The following TPM1 variants were observed in gnomAD, a reference collection of about 807,000 sequenced individuals.
The protein encoded by TPM1 is tropomyosin alpha-1 chain.
A neutral mutation model predicts 42.9 loss-of-function variants in TPM1; 24 were observed. That is an observed-to-expected ratio of 0.56 (90% CI 0.41 to 0.79). The LOEUF is 0.79. Ranked by LOEUF, TPM1 falls within the 30% of genes least tolerant of loss-of-function variation. The probability of loss-of-function intolerance (pLI) is 0.00; values close to 1 mark genes in which losing one functional copy is unlikely to be tolerated. For synonymous variants in TPM1, 136 were observed against 130.1 expected (o/e 1.05, Z -0.31); for missense variants, 158 against 351.8 (o/e 0.45, Z 4.41).
Position 63,061,015 on chromosome 15 carries a change from G to A in TPM1, c.563+76G>A, listed in dbSNP as rs937526753. 9 of 1,569,922 alleles carry A rather than the reference G, an allele frequency of 5.7e-6. No homozygotes were observed. The African/African-American group carries it at 9.5e-5, about 16-fold the overall frequency. Reference sequence around the variant, plus strand: ...GACTAAACAGCATGACCTTCTGGCAGCTGCACATTACCTGTTTCAGCTCCG... The same window carrying A: ...GACTAAACAGCATGACCTTCTGGCAACTGCACATTACCTGTTTCAGCTCCG... On this transcript the variant is annotated intron_variant, in intron 5 of 9. Transcript: ENST00000403994.
intron 1 of TPM1, 56 bp downstream of exon 1, chr15:63,042,999 C>T: frequency 6.8e-7 from 1 of 1,472,024 alleles, no homozygotes; most frequent in East Asian, 2.5e-5. Flanking sequence ...TCGAGCCTGG[C>T]ACCCCCGGCT....
chr15:63,065,546 C>G (rs2036182292), intron 9 of TPM1: 1 of 984,964 alleles, frequency 1.0e-6, no homozygotes, highest in Admixed American at 6.1e-5. Context: ...AGCAGATCAT[C>G]TGTCTCTAAG....
chr15:63,064,657 T>G, intron 9 of TPM1: 5 of 998,242 alleles, frequency 5.0e-6, no homozygotes, highest in Non-Finnish European at 6.0e-6. Context: ...AAAGATCATC[T>G]CTTTTACTTT....
intron 2 of TPM1, among the ~76,000 whole-genome samples, chr15:63,050,556 C>T (rs1242085674): frequency 6.6e-6 from 1 of 152,230 alleles, no homozygotes; most frequent in Non-Finnish European, 1.5e-5. Context: ...TAACAGAACT[C>T]TTCCTGTGCC....
intron 2 of TPM1, chr15:63,056,700 G>A (rs1157556294): frequency 7.3e-6 from 3 of 409,668 alleles, no homozygotes; most frequent in South Asian, 2.2e-5. Flanking sequence ...AAAAATCTAC[G>A]GAAGAAAGGA....
intron 2 of TPM1, chr15:63,045,057 C>T (rs1362739938): frequency 3.9e-5 from 6 of 152,050 alleles, no homozygotes; most frequent in Admixed American, 6.6e-5. Context: ...GCTAATTAAG[C>T]CTAGAGGCCC....
chr15:63,052,001 G>A (rs1258797707), intron 2 of TPM1, among the ~76,000 whole-genome samples: 2 of 151,188 alleles, frequency 1.3e-5, no homozygotes, highest in Non-Finnish European at 2.9e-5. Context: ...GGAATGGGGT[G>A]CATGCCCTTA....
chr15:63,047,622 T>C (rs2032681246), intron 2 of TPM1: 3 of 152,352 alleles, frequency 2.0e-5, no homozygotes. Flanking sequence ...ACCATTTGGA[T>C]GACTGTTTTC....
downstream of TPM1, chr15:63,070,186 C>T: frequency 7.7e-7 from 1 of 1,298,984 alleles, no homozygotes; most frequent in African/African-American, 1.5e-5. Context: ...TTCAGCACTG[C>T]TCCTTGAAAT....
At chr15:63,059,811 C>T (rs945811075) in intron 4 of TPM1, 131 bp downstream of exon 4, 1 of 660,510 alleles carries the variant, frequency 1.5e-6, no homozygotes, top group African/African-American at 1.8e-5. Context: ...TTTTGAGAAG[C>T]AGAGTTCCTT....
intron 2 of TPM1, chr15:63,048,913 G>A (rs1180713666): frequency 1.4e-6 from 1 of 694,750 alleles, no homozygotes; most frequent in South Asian, 1.6e-5. Context: ...CCATCTCGCT[G>A]ATCCAAAGTA....
At chr15:63,043,578 G>T (rs1044524689) in intron 1 of TPM1, 17 of 1,420,062 alleles carry the variant, frequency 1.2e-5, no homozygotes, top group Admixed American at 2.0e-5. Context: ...GTTACCTCGG[G>T]TCCTTTGCAC....
chr15:63,048,341 A>C, intron 2 of TPM1: 2 of 1,123,502 alleles, frequency 1.8e-6, no homozygotes, highest in Non-Finnish European at 2.3e-6. Flanking sequence ...CAGTCCCGGG[A>C]TCCACGGCGC....
At chr15:63,071,709 T>A (rs2036611187) in exon 9 of TPM1, 1 of 169,664 alleles carries the variant, frequency 5.9e-6, no homozygotes, top group African/African-American at 2.4e-5. Flanking sequence ...TTCCGAGACT[T>A]CCATTCCTTT....
chr15:63,055,232 T>G (rs373690686), intron 2 of TPM1, among the ~76,000 whole-genome samples: 3 of 152,232 alleles, frequency 2.0e-5, no homozygotes, highest in African/African-American at 7.2e-5. Context: ...TTCCTCTGAT[T>G]TATTTCACAT....
downstream of TPM1, among the ~76,000 whole-genome samples, chr15:63,069,256 G>A (rs1348901100): frequency 6.6e-6 from 1 of 152,228 alleles, no homozygotes; most frequent in East Asian, 1.9e-4. Flanking sequence ...AAGCTAGACA[G>A]GAGTCAGAAT....
At position 63,065,983 on chromosome 15, in the gene TPM1, G is replaced by T; in HGVS notation, c.*84G>T. On this transcript the variant is annotated 3_prime_UTR_variant, in exon 10 of 10. Transcript: ENST00000403994. ...GAGCTCTGCATTTGTCTATTCTCCA[G>T]CTGACCCTGGTTCTCTCTCTTAGCA... is the stretch of plus-strand genomic sequence containing the variant. The T allele has an allele frequency of 6.3e-7, 1 of 1,576,776 alleles. No homozygotes were observed.
chr15:63,067,948 G>T (rs796519187), downstream of TPM1, among the ~76,000 whole-genome samples: 22 of 152,348 alleles, frequency 1.4e-4, no homozygotes, highest in African/African-American at 5.3e-4. Flanking sequence ...AAGCAGAGCA[G>T]ATCCAGAGGA....
chr15:63,063,899 A>T, intron 8 of TPM1, 165 bp from the exon 9 acceptor site: 1 of 868,438 alleles, frequency 1.2e-6, no homozygotes, highest in Non-Finnish European at 1.7e-6. Context: ...TTAAAACAAA[A>T]CGCACGCCTC....
Sources: gnomAD v4.1 joint callset for allele counts (sites outside exome capture counted in the v4.1 genomes callset) on GRCh38, gnomAD v4.1.1 for gene constraint, MANE v1.5 for transcripts, NCBI Gene and HGNC (gene_info 2026-07-23, HGNC 2026-07-21) for gene names.